COBLL1: variants seen among roughly 807,000 people sequenced by gnomAD.
COBLL1 encodes cordon-bleu protein-like 1.
A neutral mutation model predicts 94.8 loss-of-function variants in COBLL1; 50 were observed. The observed-to-expected ratio is 0.53, with a 90% CI of 0.42 to 0.67. The LOEUF (loss-of-function observed/expected upper bound fraction) is 0.67, where lower values mean the gene tolerates loss of function less well. Among genes scored for constraint, COBLL1 ranks in the 30% least tolerant of loss-of-function variants. The pLI is 0.00. For synonymous variants in COBLL1, 448 were observed against 473.8 expected (o/e 0.95, Z 0.71); for missense variants, 1,362 against 1,348.7 (o/e 1.01, Z -0.15).
chr2:164,742,699 T>A (rs1374772097), intron 3 of COBLL1, among the ~76,000 whole-genome samples: 1 of 152,188 alleles, frequency 6.6e-6, no homozygotes, highest in Non-Finnish European at 1.5e-5. Flanking sequence ...CTATTTTGTT[T>A]TCATCTACTT....
intron 7 of COBLL1, among the ~76,000 whole-genome samples, chr2:164,707,121 C>T (rs564644971): frequency 6.6e-6 from 1 of 151,858 alleles, no homozygotes; most frequent in Non-Finnish European, 1.5e-5. Flanking sequence ...GGTGTCCCTT[C>T]ATTTTCTTCA....
intron 2 of COBLL1, among the ~76,000 whole-genome samples, chr2:164,750,749 C>A (rs776246873): frequency 2.0e-5 from 3 of 152,148 alleles, no homozygotes; most frequent in Non-Finnish European, 4.4e-5. Context: ...GGCTTGCAGG[C>A]CCCAAATGAG....
At chr2:164,711,642 A>G (rs917636033) in intron 7 of COBLL1, among the ~76,000 whole-genome samples, 8 of 152,250 alleles carry the variant, frequency 5.3e-5, no homozygotes, top group Non-Finnish European at 1.2e-4. Context: ...TATAGTACAT[A>G]CATTTGAAAT....
intron 2 of COBLL1, among the ~76,000 whole-genome samples, chr2:164,753,489 C>G (rs1414890294): frequency 6.6e-6 from 1 of 151,868 alleles, no homozygotes; most frequent in African/African-American, 2.4e-5. Context: ...ATCTTAAATA[C>G]GACTTGCCTG....
chr2:164,752,942 A>G (rs532964413), intron 2 of COBLL1, among the ~76,000 whole-genome samples: 1 of 152,328 alleles, frequency 6.6e-6, no homozygotes, highest in South Asian at 2.1e-4. Flanking sequence ...ATTTATGCAC[A>G]ATTTTGTTTA....
intron 7 of COBLL1, among the ~76,000 whole-genome samples, chr2:164,710,567 T>TTTTTATTC (rs1684841528): frequency 4.6e-5 from 1 of 21,548 alleles, no homozygotes; most frequent in African/African-American, 9.7e-4. Flanking sequence ...AGCAGCATTC[T>TTTTTATTC]TTTTTTTTTT....
chr2:164,818,874 T>A (rs1390487259), intron 2 of COBLL1, among the ~76,000 whole-genome samples: 2 of 151,394 alleles, frequency 1.3e-5, no homozygotes, highest in Non-Finnish European at 2.9e-5. Context: ...GCTCAAACAA[T>A]CCTCCCAACC....
In COBLL1 at chr2:164,765,174, G is replaced by A. The variant is rs1687870362; in HGVS notation, c.42-21299C>T. Among the ~76,000 whole-genome samples the A allele has an allele frequency of 2.0e-5, 3 of 152,210 alleles. No individual in the cohort carries two copies. In the South Asian group the frequency reaches 6.2e-4, roughly 32 times the overall value. On this transcript the variant is annotated intron_variant, in intron 2 of 13. Transcript: ENST00000652658. ...TTCAAATTTAGCATCACTAAATACTGGACAGACATCATGCGCTTCATGACA... is the reference window on the plus strand; with the variant it reads ...TTCAAATTTAGCATCACTAAATACTAGACAGACATCATGCGCTTCATGACA...
At position 164,736,581 on chromosome 2, in the gene COBLL1, C is replaced by A. The variant is rs75538029; in HGVS notation, c.231-6466G>T. On this transcript the variant is annotated intron_variant, in intron 3 of 13. Transcript: ENST00000652658. The stretch of plus-strand genomic sequence containing the variant: ...GGTTGTTTATCTTAGGTGTTATACT[C>A]AGAGCTAATTATAAATAATTACCAT... Among the ~76,000 whole-genome samples, 127 of 152,278 alleles carry A rather than the reference C, an allele frequency of 8.3e-4. No individual in the cohort carries two copies. The East Asian group carries it at 0.023, about 28-fold the overall frequency.
intron 7 of COBLL1, among the ~76,000 whole-genome samples, chr2:164,709,896 C>T (rs757365262): frequency 6.6e-6 from 1 of 151,960 alleles, no homozygotes; most frequent in Non-Finnish European, 1.5e-5. Context: ...TGGTATAAGT[C>T]GTGCAAAGGC....
intron 7 of COBLL1, among the ~76,000 whole-genome samples, chr2:164,721,557 T>C (rs1225384582): frequency 6.6e-6 from 1 of 152,176 alleles, no homozygotes; most frequent in African/African-American, 2.4e-5. Flanking sequence ...ATATTCTATA[T>C]AAAAAGGCTC....
intron 2 of COBLL1, among the ~76,000 whole-genome samples, chr2:164,751,324 T>C (rs1020469006): frequency 1.3e-5 from 2 of 152,122 alleles, no homozygotes; most frequent in African/African-American, 4.8e-5. Flanking sequence ...ACGTGGCCTG[T>C]CTCATTCTCT....
At chr2:164,814,366 A>G (rs1684608096) in intron 2 of COBLL1, among the ~76,000 whole-genome samples, 1 of 152,142 alleles carries the variant, frequency 6.6e-6, no homozygotes, top group Non-Finnish European at 1.5e-5. Flanking sequence ...TATTACTTTT[A>G]TTCTTATATA....
At chr2:164,787,359 T>C (rs1682911819) in intron 2 of COBLL1, among the ~76,000 whole-genome samples, 1 of 152,196 alleles carries the variant, frequency 6.6e-6, no homozygotes, top group African/African-American at 2.4e-5. Flanking sequence ...ATCTAATGCA[T>C]GGCATGGTGA....
chr2:164,802,784 C>T (rs1478210599), intron 2 of COBLL1, among the ~76,000 whole-genome samples: 1 of 152,072 alleles, frequency 6.6e-6, no homozygotes, highest in Non-Finnish European at 1.5e-5. Context: ...AACAACATCC[C>T]ATTAGATTTA....
At chr2:164,726,546 C>T (rs1002384779) in intron 5 of COBLL1, among the ~76,000 whole-genome samples, 1 of 152,006 alleles carries the variant, frequency 6.6e-6, no homozygotes, top group Non-Finnish European at 1.5e-5. Context: ...CCCTACCACC[C>T]AAAGGTAACC....
rs987973190 is a variant in COBLL1 at position 164,684,314 on chromosome 2, C to G, written c.*1632G>C. Reference sequence around the variant, plus strand: ...TTATATATTAATATATTGAAAACATCTTACATGTCGCTTGTCTTTAAGTCT... The same window carrying G: ...TTATATATTAATATATTGAAAACATGTTACATGTCGCTTGTCTTTAAGTCT... On this transcript the variant is annotated 3_prime_UTR_variant, in exon 14 of 14. Transcript: ENST00000652658. 2 of 152,040 alleles carry G rather than the reference C, an allele frequency of 1.3e-5. No individual in the cohort carries two copies. Among genetic ancestry groups the G allele is most frequent in the African/African-American group, 4.8e-5 (2 of 41,400 alleles). 9.4% of individuals were successfully genotyped at this position (152,040 alleles called of 1,614,324 possible).
At chr2:164,702,574 A>ATAAAT (rs1160044049) in intron 9 of COBLL1, among the ~76,000 whole-genome samples, 2 of 147,022 alleles carry the variant, frequency 1.4e-5, no homozygotes, top group Non-Finnish European at 1.5e-5. Flanking sequence ...AAAAAAAAAA[A>ATAAAT]AAATAATAAT....
At chr2:164,687,759 T>C in intron 13 of COBLL1, 1 of 561,526 alleles carries the variant, frequency 1.8e-6, no homozygotes, top group Non-Finnish European at 3.2e-6. Context: ...AGGAACTCAG[T>C]ACACTTAATT....
Sources: allele counts gnomAD v4.1 joint callset (sites outside exome capture counted in the v4.1 genomes callset), GRCh38; gene constraint gnomAD v4.1.1; transcripts MANE v1.5; gene names NCBI Gene and HGNC (gene_info 2026-07-23, HGNC 2026-07-21).